The following PLS3 variants were observed in gnomAD, a reference collection of about 807,000 sequenced individuals.
PLS3 encodes plastin 3.
A neutral mutation model predicts 46.5 loss-of-function variants in PLS3; 11 were observed. The observed-to-expected ratio is 0.24, with a 90% CI of 0.15 to 0.39. The LOEUF is 0.39. Among genes scored for constraint, PLS3 ranks in the 10% least tolerant of loss-of-function variants. The pLI is 1.00. For missense variants in PLS3, 308 were observed against 461.8 expected, an observed-to-expected ratio of 0.67 and a Z score of 3.05; for synonymous variants, 167 against 162.2, an observed-to-expected ratio of 1.03 and a Z score of -0.22.
At chrX:115,630,372 A>G (rs1268617503) in intron 5 of PLS3, among the ~76,000 whole-genome samples, 2 of 111,003 alleles carry the variant, frequency 1.8e-5, no homozygotes, top group African/African-American at 6.5e-5. Context: ...AGCCAACAGC[A>G]TCTTGGCAGA....
chrX:115,578,215 T>C (rs139674513), intron 1 of PLS3, among the ~76,000 whole-genome samples: 3,165 of 111,715 alleles, frequency 0.028, 122 homozygotes, highest in African/African-American at 0.098. Context: ...TGGGGAGAAG[T>C]GTCACTTGAA....
rs113779727 is a variant in PLS3 at position 115,601,461 on chromosome X, T to TA, written c.-8-8767dup. 5.2e-3 allele frequency among the ~76,000 whole-genome samples: 456 copies of TA among 87,728 alleles called. 4 individuals are homozygous for TA. Among genetic ancestry groups the TA allele is most frequent in the Non-Finnish European group, 7.4e-3 (329 of 44,612 alleles). 76.2% of individuals were successfully genotyped at this position (87,728 alleles called of 115,157 possible). A position where few individuals can be genotyped will look rare whatever the true frequency, so the allele number is the denominator to read the frequency against. On this transcript the variant is annotated intron_variant, in intron 1 of 15. Coordinates refer to ENST00000355899, the MANE Select transcript of PLS3 (RefSeq NM_005032.7). Reference sequence around the variant, plus strand: ...AAGACAGAACAGCAGGCAGATCTGATAAAAAAAAAAAAAAACTTTTGTGGG... The same window carrying TA: ...AAGACAGAACAGCAGGCAGATCTGATAAAAAAAAAAAAAAAACTTTTGTGGG...
At chrX:115,630,949 AT>A (rs1556639319) in intron 5 of PLS3, among the ~76,000 whole-genome samples, 13 of 96,820 alleles carry the variant, frequency 1.3e-4, no homozygotes, top group African/African-American at 4.9e-4. Flanking sequence ...TGTATAATAT[AT>A]ATAAAATATA....
intron 1 of PLS3, among the ~76,000 whole-genome samples, chrX:115,576,958 G>A (rs1438059486): frequency 8.9e-6 from 1 of 112,457 alleles, no homozygotes; most frequent in African/African-American, 3.2e-5. Flanking sequence ...GGCAACTGAA[G>A]TCTGATTTTG....
intron 1 of PLS3, among the ~76,000 whole-genome samples, chrX:115,585,022 C>A (rs1603222982): frequency 8.9e-6 from 1 of 111,851 alleles, no homozygotes; most frequent in African/African-American, 3.2e-5. Context: ...TATTTTCTTT[C>A]ATACGCCATT....
At chrX:115,561,848 T>G (rs1556629615) in intron 1 of PLS3, among the ~76,000 whole-genome samples, 1 of 111,552 alleles carries the variant, frequency 9.0e-6, no homozygotes, top group Non-Finnish European at 1.9e-5. Context: ...AGGTTTGGGT[T>G]GCCTGCCTTC....
chrX:115,565,533 T>C (rs1214942880), intron 1 of PLS3, among the ~76,000 whole-genome samples: 1 of 111,733 alleles, frequency 8.9e-6, no homozygotes, highest in Non-Finnish European at 1.9e-5. Flanking sequence ...ACTAATTGAG[T>C]ACATACATGT....
chrX:115,634,019 G>A lies in PLS3; in HGVS notation c.520G>A (p.Val174Ile). 1 of 1,154,420 alleles carries A rather than the reference G, an allele frequency of 8.7e-7. No homozygotes were observed. The highest frequency in any genetic ancestry group is 1.2e-6 in the Non-Finnish European group (1 of 847,419). ...TTTCAGTAAAATGATTAACCTTTCA[G>A]TTCCTGATACCATTGATGAAAGAGC... ...IVLCKMINLSVPDTIDERAIN... is the reference protein window; with the variant it reads ...IVLCKMINLSIPDTIDERAIN... The change falls in exon 6 of 16, where the codon GTT becomes ATT. Residue 174 changes from valine (V) to isoleucine (I), a missense_variant. Physicochemically the swap from Val to Ile is conservative, Grantham distance 29. Around this residue, in one of 2 missense-constraint regions of PLS3, gnomAD observed 271 missense variants for 435.7 expected, o/e 0.62. Coordinates refer to ENST00000355899, the MANE Select transcript of PLS3 (RefSeq NM_005032.7).
intron 2 of PLS3, among the ~76,000 whole-genome samples, chrX:115,615,519 G>GAGAGAGAGAGAGAA (rs2074589681): frequency 1.9e-5 from 2 of 106,088 alleles, no homozygotes; most frequent in Non-Finnish European, 3.9e-5. Context: ...GAGAGAGAGA[G>GAGAGAGAGAGAGAA]AGAGAGAGAG....
At chrX:115,645,163 A>C (rs2147583062) in intron 11 of PLS3, 64 bp downstream of exon 11, 4 of 658,981 alleles carry the variant, frequency 6.1e-6, no homozygotes, top group Non-Finnish European at 4.8e-6. Context: ...AAATAATGAC[A>C]GCTCTAAAGA....
intron 1 of PLS3, among the ~76,000 whole-genome samples, chrX:115,595,387 A>G (rs5987749): frequency 0.086 from 9,570 of 110,985 alleles, 1,021 homozygotes; most frequent in African/African-American, 0.29. Context: ...ACAGAATAGA[A>G]GTATTTCCAG....
chrX:115,629,856 T>C lies in PLS3; in HGVS notation c.389T>C (p.Val130Ala). 8.8e-7 allele frequency: 1 copy of C among 1,138,990 alleles called. No homozygotes were observed. The highest frequency in any genetic ancestry group is 1.2e-6 in the Non-Finnish European group (1 of 835,255). The allele number at this position is 1,138,990 out of a possible 1,213,427, so 93.9% of individuals were successfully genotyped here. ...TTAGAGGAAGAAAAATATGCTTTTG[T>C]TAACTGGATAAACAAAGCTTTGGAA... ...SYSEEEKYAF[V>A]NWINKALEND... Residue 130 changes from valine (V) to alanine (A), a missense_variant, in exon 5 of 16, where the codon GTT becomes GCT. By Grantham distance (64) the Val-to-Ala change is moderately conservative. Around this residue, in one of 2 missense-constraint regions of PLS3, gnomAD observed 271 missense variants for 435.7 expected, o/e 0.62. Transcript: ENST00000355899.
chrX:115,585,548 G>A (rs967692140), intron 1 of PLS3, among the ~76,000 whole-genome samples: 5 of 109,209 alleles, frequency 4.6e-5, no homozygotes, highest in African/African-American at 1.7e-4. Context: ...CCGCCACCAC[G>A]CCCAGCTAAT....
chrX:115,575,734 C>T (rs946242535), intron 1 of PLS3, among the ~76,000 whole-genome samples: 6 of 110,810 alleles, frequency 5.4e-5, no homozygotes, highest in East Asian at 2.8e-4. Context: ...TGAGCCACCG[C>T]GCCTGGCCTC....
intron 1 of PLS3, among the ~76,000 whole-genome samples, chrX:115,595,657 A>G (rs1355649363): frequency 9.8e-6 from 1 of 102,113 alleles, no homozygotes; most frequent in Admixed American, 1.1e-4. Context: ...GTAGACCTTT[A>G]GTTTGGGGCA....
chrX:115,561,604 C>T lies in PLS3; in HGVS notation c.-9+344C>T, dbSNP rs1348670248. Among the ~76,000 whole-genome samples the T allele has an allele frequency of 8.9e-5, 10 of 111,911 alleles. No homozygotes were observed. In the Admixed American group the frequency reaches 9.4e-4, roughly 10 times the overall value. ...TGGAGTCCTAGACGCCAGCCCTTGC[C>T]CTGATTCCCCTCCGCGGCTGCGGCC... is the stretch of plus-strand genomic sequence containing the variant. On this transcript the variant is annotated intron_variant, in intron 1 of 15. Coordinates refer to ENST00000355899, the MANE Select transcript of PLS3 (RefSeq NM_005032.7).
intron 1 of PLS3, among the ~76,000 whole-genome samples, chrX:115,590,446 C>T (rs2074337124): frequency 9.0e-6 from 1 of 111,265 alleles, no homozygotes; most frequent in Non-Finnish European, 1.9e-5. Context: ...GTCACGCACA[C>T]ACCCACACAC....
intron 1 of PLS3, among the ~76,000 whole-genome samples, chrX:115,594,924 G>C (rs1556633623): frequency 9.0e-6 from 1 of 111,270 alleles, no homozygotes; most frequent in African/African-American, 3.3e-5. Context: ...TTCAATCTAA[G>C]AAGTTAGTTA....
At chrX:115,648,134 G>A (rs2074970772) in intron 15 of PLS3, 117 bp downstream of exon 15, 1 of 507,271 alleles carries the variant, frequency 2.0e-6, no homozygotes, top group South Asian at 3.3e-5. Flanking sequence ...ACCTCTTGGA[G>A]CCTCAGATTC....
Sources: gnomAD v4.1 joint callset for allele counts (sites outside exome capture counted in the v4.1 genomes callset) on GRCh38, gnomAD v4.1.1 for gene constraint, gnomAD v4.1.1 regional missense constraint, MANE v1.5 for transcripts, NCBI Gene and HGNC (gene_info 2026-07-23, HGNC 2026-07-21) for gene names.